The following IL2RA variants were observed in gnomAD, a reference collection of about 807,000 sequenced individuals.
IL2RA encodes the protein interleukin 2 receptor subunit alpha, also known as interleukin-2 receptor subunit alpha.
A neutral mutation model predicts 37.8 loss-of-function variants in IL2RA; 24 were observed. The observed-to-expected ratio is 0.63, with a 90% CI of 0.46 to 0.89. The LOEUF (loss-of-function observed/expected upper bound fraction) is 0.89, where lower values mean the gene tolerates loss of function less well. Among genes scored for constraint, IL2RA ranks in the 40% least tolerant of loss-of-function variants. IL2RA has a pLI of 0.00. For synonymous variants in IL2RA, 125 were observed against 114.6 expected (o/e 1.09, Z -0.58); for missense variants, 319 against 348.6 (o/e 0.92, Z 0.68).
Position 6,021,726 on chromosome 10 carries a change from T to C in IL2RA, c.368-33A>G, listed in dbSNP as rs763862564. 23 of 1,594,488 alleles carry C rather than the reference T, an allele frequency of 1.4e-5. No homozygotes were observed. The East Asian group carries it at 4.0e-4, about 28-fold the overall frequency. ...ATGGAAGGAATGCTCTGAAGGCAAG[T>C]TGGGGACAGCACCGCGAGTGAGTCC... On this transcript the variant is annotated intron_variant, in intron 3 of 7. Transcript: ENST00000379959. The surrounding 1 kb of genome is among the most constrained non-coding windows in gnomAD (Gnocchi z 4.9).
At chr10:6,061,889 C>T (rs1840126422) in intron 1 of IL2RA, among the ~76,000 whole-genome samples, 199 bp downstream of exon 1, 1 of 152,198 alleles carries the variant, frequency 6.6e-6, no homozygotes. Context: ...GAACCTAATG[C>T]TATTTCAGGC....
At position 6,036,008 on chromosome 10, in the gene IL2RA, A is replaced by C. The variant is rs2132874264; in HGVS notation, c.65-9983T>G. The C allele has an allele frequency of 6.6e-6, 1 of 152,456 alleles. No individual in the cohort carries two copies. Among genetic ancestry groups the C allele is most frequent in the Admixed American group, 6.5e-5 (1 of 15,302 alleles). The allele number at this position is 152,456 out of a possible 1,614,324, so 9.4% of individuals were successfully genotyped here. A position where few individuals can be genotyped will look rare whatever the true frequency, so the allele number is the denominator to read the frequency against. On this transcript the variant is annotated intron_variant, in intron 1 of 7. Coordinates refer to ENST00000379959, the MANE Select transcript of IL2RA (RefSeq NM_000417.3). The surrounding 1 kb of genome is among the most constrained non-coding windows in gnomAD (Gnocchi z 6.1). ...TGCCTTGTCTGGCTGACGCCTTGGC[A>C]ATCGCAAGTGACAGTGACGGAGAGC...
intron 1 of IL2RA, among the ~76,000 whole-genome samples, chr10:6,049,365 A>G (rs1351774645): frequency 6.6e-6 from 1 of 152,190 alleles, no homozygotes; most frequent in Admixed American, 6.5e-5. Flanking sequence ...TTCTTTACTC[A>G]GTCTACCAAC....
Position 6,058,572 on chromosome 10 carries a change from T to C in IL2RA, c.64+3516A>G, listed in dbSNP as rs546759248. On this transcript the variant is annotated intron_variant, in intron 1 of 7. Transcript: ENST00000379959. The surrounding 1 kb of genome is among the most constrained non-coding windows in gnomAD (Gnocchi z 4.2). ...TGTGAAGGGTTAAACATTTTGTGTT[T>C]GACTGACAAAGGTGAAGATGGGAAA... 6.6e-6 allele frequency among the ~76,000 whole-genome samples: 1 copy of C among 152,352 alleles called. No homozygotes were observed. Among genetic ancestry groups the C allele is most frequent in the South Asian group, 2.1e-4 (1 of 4,830 alleles).
intron 7 of IL2RA, among the ~76,000 whole-genome samples, chr10:6,016,340 ATC>A: frequency 6.6e-6 from 1 of 151,124 alleles, no homozygotes; most frequent in East Asian, 1.9e-4. Context: ...ATGGTAAGAA[ATC>A]TCTGTTCTTT....
Position 6,021,535 on chromosome 10 carries a change from T to G in IL2RA, c.526A>C (p.Arg176=). The G allele has an allele frequency of 6.2e-7, 1 of 1,614,150 alleles. No individual in the cohort carries two copies. The highest frequency in any genetic ancestry group is 1.1e-5 in the South Asian group (1 of 91,074). ...SVCKMTHGKT[R]WTQPQLICTG... is the part of the protein sequence containing the mutation. ...CATATGAGCTGGGGCTGGGTCCACC[T>G]TGTCTTCCCGTGGGTCATTTTGCAG... Residue 176 remains arginine (R), a synonymous_variant, in exon 4 of 8, where the codon AGG becomes CGG. Coordinates refer to ENST00000379959, the MANE Select transcript of IL2RA (RefSeq NM_000417.3). The surrounding 1 kb of genome is among the most constrained non-coding windows in gnomAD (Gnocchi z 4.9).
In IL2RA at chr10:6,058,600, C is replaced by A. The variant is rs1289235724; in HGVS notation, c.64+3488G>T. 6.6e-6 allele frequency among the ~76,000 whole-genome samples: 1 copy of A among 152,194 alleles called. No individual in the cohort carries two copies. The highest frequency in any genetic ancestry group is 2.4e-5 in the African/African-American group (1 of 41,458). ...CTGACAAAGGTGAAGATGGGAAATT[C>A]CATTGTGGGCAGTTGTCTTTACAAG... On this transcript the variant is annotated intron_variant, in intron 1 of 7. Coordinates refer to ENST00000379959, the MANE Select transcript of IL2RA (RefSeq NM_000417.3). The surrounding 1 kb of genome is among the most constrained non-coding windows in gnomAD (Gnocchi z 4.2).
chr10:6,059,685 C>T (rs964835002), intron 1 of IL2RA, among the ~76,000 whole-genome samples: 9 of 152,224 alleles, frequency 5.9e-5, no homozygotes, highest in Admixed American at 2.6e-4. Context: ...CACATTGGAC[C>T]ACCTGCTGCT....
At chr10:6,050,660 G>A (rs563845315) in intron 1 of IL2RA, among the ~76,000 whole-genome samples, 1 of 152,124 alleles carries the variant, frequency 6.6e-6, no homozygotes, top group African/African-American at 2.4e-5. Context: ...AAGGTGGTTG[G>A]GGTGGGGGAA....
At chr10:6,041,116 C>CTTTTT (rs34852465) in intron 1 of IL2RA, among the ~76,000 whole-genome samples, 6 of 126,478 alleles carry the variant, frequency 4.7e-5, no homozygotes, top group South Asian at 2.5e-4. Context: ...TGAGTTAATT[C>CTTTTT]TTTTTTTTTT....
chr10:6,031,732 T>G (rs1382231413), intron 1 of IL2RA, among the ~76,000 whole-genome samples: 2 of 151,910 alleles, frequency 1.3e-5, no homozygotes, highest in African/African-American at 4.8e-5. Flanking sequence ...AAAAATATAC[T>G]ATCTTTATAG....
rs1328185335 is a variant in IL2RA at position 6,056,579 on chromosome 10, C to A, written c.64+5509G>T. 6.6e-6 allele frequency among the ~76,000 whole-genome samples: 1 copy of A among 151,956 alleles called. No individual in the cohort carries two copies. The highest frequency in any genetic ancestry group is 2.4e-5 in the African/African-American group (1 of 41,364). On this transcript the variant is annotated intron_variant, in intron 1 of 7. Transcript: ENST00000379959. This position sits in a 1 kb window ranked among gnomAD's most constrained non-coding sequence, Gnocchi z 5.0. ...CCAGCCTACGCAACATAGCAAAAACCCCCTCTCTACTAAAATTACAAAAAA... is the reference window on the plus strand; with the variant it reads ...CCAGCCTACGCAACATAGCAAAAACACCCTCTCTACTAAAATTACAAAAAA...
chr10:6,046,312 T>G lies in IL2RA; in HGVS notation c.64+15776A>C, dbSNP rs1220037910. Among the ~76,000 whole-genome samples, 2 of 152,192 alleles carry G rather than the reference T, an allele frequency of 1.3e-5. No individual in the cohort carries two copies. Among genetic ancestry groups the G allele is most frequent in the African/African-American group, 2.4e-5 (1 of 41,452 alleles). On this transcript the variant is annotated intron_variant, in intron 1 of 7. Coordinates refer to ENST00000379959, the MANE Select transcript of IL2RA (RefSeq NM_000417.3). This position sits in a 1 kb window ranked among gnomAD's most constrained non-coding sequence, Gnocchi z 4.8. ...GATTGAGGTTCTGGGGTCCTGGCGC[T>G]TTCAGATACTACCATGATCTGCTAG...
intron 1 of IL2RA, among the ~76,000 whole-genome samples, chr10:6,037,266 T>C (rs952115340): frequency 2.0e-5 from 3 of 152,136 alleles, no homozygotes; most frequent in South Asian, 2.1e-4. Flanking sequence ...TTTTTTTCTC[T>C]GATGTTCAAA....
At position 6,033,543 on chromosome 10, in the gene IL2RA, A is replaced by G. The variant is rs1839634936; in HGVS notation, c.65-7518T>C. Among the ~76,000 whole-genome samples the G allele has an allele frequency of 6.6e-6, 1 of 152,190 alleles. No homozygotes were observed. The highest frequency in any genetic ancestry group is 6.5e-5 in the Admixed American group (1 of 15,278). On this transcript the variant is annotated intron_variant, in intron 1 of 7. Transcript: ENST00000379959. The surrounding 1 kb of genome is among the most constrained non-coding windows in gnomAD (Gnocchi z 4.3). ...AATAATAACCAACTCAATAATTCAA[A>G]CATCCATCATTGGGAGAACAGACAA...
Position 6,025,715 on chromosome 10 carries a change from T to C in IL2RA, c.256+119A>G. ...CTTTTCAGGAACCACTAAAATTAGTTATCCTGTAGACTGGACTGGCCCATT... is the reference window on the plus strand; with the variant it reads ...CTTTTCAGGAACCACTAAAATTAGTCATCCTGTAGACTGGACTGGCCCATT... On this transcript the variant is annotated intron_variant, in intron 2 of 7. Transcript: ENST00000379959. This position sits in a 1 kb window ranked among gnomAD's most constrained non-coding sequence, Gnocchi z 4.4. 1.0e-6 allele frequency: 1 copy of C among 955,222 alleles called. No homozygotes were observed. Among genetic ancestry groups the C allele is most frequent in the Middle Eastern group, 3.0e-4 (1 of 3,304 alleles). 59.2% of individuals were successfully genotyped at this position (955,222 alleles called of 1,614,324 possible). A position where few individuals can be genotyped will look rare whatever the true frequency, so the allele number is the denominator to read the frequency against.
At chr10:6,051,049 C>T (rs1839946627) in intron 1 of IL2RA, among the ~76,000 whole-genome samples, 1 of 144,412 alleles carries the variant, frequency 6.9e-6, no homozygotes, top group Admixed American at 7.0e-5. Flanking sequence ...CTGAAACACC[C>T]CTCCAACTTT....
chr10:6,034,293 C>G lies in IL2RA; in HGVS notation c.65-8268G>C, dbSNP rs544560475. 3.9e-5 allele frequency among the ~76,000 whole-genome samples: 6 copies of G among 152,268 alleles called. No individual in the cohort carries two copies. The East Asian group carries it at 9.6e-4, about 24-fold the overall frequency. On this transcript the variant is annotated intron_variant, in intron 1 of 7. Coordinates refer to ENST00000379959, the MANE Select transcript of IL2RA (RefSeq NM_000417.3). ...CACCTCCAGGTCTGTAGCTCAGTAA[C>G]CACTAAAGAGCTTGGCTATAATCCT...
At chr10:6,017,421 A>G (rs1589290893) in intron 7 of IL2RA, among the ~76,000 whole-genome samples, 2 of 152,240 alleles carry the variant, frequency 1.3e-5, no homozygotes, top group Middle Eastern at 6.8e-3. Flanking sequence ...ATCTTCTCCA[A>G]GCTGTTGCAT....
Sources: allele counts gnomAD v4.1 joint callset (sites outside exome capture counted in the v4.1 genomes callset), GRCh38; gene constraint gnomAD v4.1.1; non-coding constraint Gnocchi (gnomAD v3.1); transcripts MANE v1.5; gene names NCBI Gene and HGNC (gene_info 2026-07-23, HGNC 2026-07-21).